Variants in MAB21L3 observed in about 807,000 individuals in gnomAD.
MAB21L3 encodes protein mab-21-like 3.
In MAB21L3, 36 loss-of-function variants were observed where a neutral mutation model predicts 37.7. The observed-to-expected ratio is 0.96, with a 90% CI of 0.73 to 1.26. The LOEUF (loss-of-function observed/expected upper bound fraction) is 1.26. Ranked by LOEUF, MAB21L3 falls within the 50% of genes most tolerant of loss-of-function variation. The pLI is 0.00. For synonymous variants in MAB21L3, 186 were observed against 176.8 expected (o/e 1.05, Z -0.41); for missense variants, 430 against 447.3 (o/e 0.96, Z 0.35).
At position 116,112,513 on chromosome 1, in the gene MAB21L3, C is replaced by G; in HGVS notation, c.-103C>G. On this transcript the variant is annotated 5_prime_UTR_variant, in exon 3 of 8. Transcript: ENST00000369500. ...TCCAGAAAAACTTAGTACCCAGAGACTCACATTACTGGGAGTGCTATCTAC... is the reference window on the plus strand; with the variant it reads ...TCCAGAAAAACTTAGTACCCAGAGAGTCACATTACTGGGAGTGCTATCTAC... 1 of 1,023,536 alleles carries G rather than the reference C, an allele frequency of 9.8e-7. No homozygotes were observed. The highest frequency in any genetic ancestry group is 1.4e-5 in the South Asian group (1 of 70,150). The allele number at this position is 1,023,536 out of a possible 1,614,324, so 63.4% of individuals were successfully genotyped here. A position where few individuals can be genotyped will look rare whatever the true frequency, so the allele number is the denominator to read the frequency against.
At chr1:116,132,695 G>A (rs1660102370) in intron 7 of MAB21L3, among the ~76,000 whole-genome samples, 1 of 152,164 alleles carries the variant, frequency 6.6e-6, no homozygotes, top group South Asian at 2.1e-4. Flanking sequence ...AAGCAGTTGA[G>A]GAAGAGGGTA....
chr1:116,120,855 T>A, intron 3 of MAB21L3, 77 bp from the exon 4 acceptor site: 1 of 1,560,616 alleles, frequency 6.4e-7, no homozygotes, highest in South Asian at 1.2e-5. Context: ...TGTACCCTTG[T>A]CTCCTCACTC....
chr1:116,135,193 G>GT lies in MAB21L3; in HGVS notation c.*1834dup, dbSNP rs1660176450. ...AAAAAATTAATAGATCCAGGAGCTG[G>GT]TTTTTTGAAAGGATCAACAAAATTG... is the stretch of plus-strand genomic sequence containing the variant. On this transcript the variant is annotated 3_prime_UTR_variant, in exon 8 of 8. Coordinates refer to ENST00000369500, the MANE Select transcript of MAB21L3 (RefSeq NM_152367.3). 6.6e-6 allele frequency: 1 copy of GT among 151,582 alleles called. No homozygotes were observed. The highest frequency in any genetic ancestry group is 2.4e-5 in the African/African-American group (1 of 41,106). 9.4% of individuals were successfully genotyped at this position (151,582 alleles called of 1,614,324 possible).
chr1:116,114,176 A>G (rs920871946), intron 3 of MAB21L3, among the ~76,000 whole-genome samples: 3 of 152,104 alleles, frequency 2.0e-5, no homozygotes, highest in South Asian at 2.1e-4. Context: ...ACACTTTTCT[A>G]TTATCATCTT....
At chr1:116,130,679 G>T (rs1660045525) in intron 7 of MAB21L3, among the ~76,000 whole-genome samples, 1 of 152,130 alleles carries the variant, frequency 6.6e-6, no homozygotes, top group African/African-American at 2.4e-5. Flanking sequence ...CTCTTACAAG[G>T]CCCTCACCTT....
At chr1:116,129,948 A>G (rs1484480164) in intron 7 of MAB21L3, among the ~76,000 whole-genome samples, 2 of 152,128 alleles carry the variant, frequency 1.3e-5, no homozygotes, top group Non-Finnish European at 2.9e-5. Context: ...CTTCCCTAAA[A>G]ACACGCAGGC....
At chr1:116,126,188 G>T (rs55862947) in intron 5 of MAB21L3, among the ~76,000 whole-genome samples, 9,816 of 152,136 alleles carry the variant, frequency 0.065, 921 homozygotes, top group African/African-American at 0.21. Context: ...TTCAAGAATT[G>T]GGATGAGCAA....
chr1:116,132,898 A>T (rs1446681013), intron 7 of MAB21L3, among the ~76,000 whole-genome samples: 1 of 152,110 alleles, frequency 6.6e-6, no homozygotes, highest in Non-Finnish European at 1.5e-5. Flanking sequence ...GGATTAGTGA[A>T]CATTGGAAAT....
At chr1:116,127,302 C>T (rs558225207) in intron 5 of MAB21L3, among the ~76,000 whole-genome samples, 164 bp from the exon 6 acceptor site, 6 of 152,286 alleles carry the variant, frequency 3.9e-5, no homozygotes, top group South Asian at 4.1e-4. Flanking sequence ...AAAACCTTGA[C>T]GTGCTACAGG....
intron 7 of MAB21L3, among the ~76,000 whole-genome samples, chr1:116,131,137 C>T (rs543366573): frequency 5.9e-5 from 9 of 152,280 alleles, no homozygotes; most frequent in Admixed American, 5.2e-4. Flanking sequence ...ATTCACTGCT[C>T]TCATAAAGTT....
chr1:116,117,224 G>A (rs1231761422), intron 3 of MAB21L3, among the ~76,000 whole-genome samples: 3 of 140,086 alleles, frequency 2.1e-5, no homozygotes, highest in Non-Finnish European at 4.5e-5. Context: ...TAACATTCAA[G>A]TTCTATGGAA....
chr1:116,121,804 C>T (rs1483410317), intron 4 of MAB21L3, among the ~76,000 whole-genome samples: 2 of 152,170 alleles, frequency 1.3e-5, no homozygotes, highest in African/African-American at 2.4e-5. Flanking sequence ...CACAGAGAAA[C>T]GACCTTACTT....
chr1:116,137,867 G>T lies in MAB21L3; in HGVS notation c.*4502G>T, dbSNP rs537599304. ...AAATCATCATTCTCAGTAAACTATC[G>T]CAAGAACAAAAAACCAAACACTGCA... On this transcript the variant is annotated 3_prime_UTR_variant, in exon 8 of 8. Transcript: ENST00000369500. 2.0e-5 allele frequency among the ~76,000 whole-genome samples: 3 copies of T among 149,628 alleles called. No homozygotes were observed. Among genetic ancestry groups the T allele is most frequent in the Non-Finnish European group, 4.4e-5 (3 of 67,664 alleles).
chr1:116,113,357 A>G (rs932252686), intron 3 of MAB21L3, among the ~76,000 whole-genome samples: 14 of 152,224 alleles, frequency 9.2e-5, no homozygotes, highest in African/African-American at 2.9e-4. Context: ...AGTAAAATGT[A>G]TTTCTTAGGC....
At chr1:116,115,668 G>A (rs948839235) in intron 3 of MAB21L3, among the ~76,000 whole-genome samples, 18 of 152,294 alleles carry the variant, frequency 1.2e-4, no homozygotes, top group Admixed American at 3.3e-4. Context: ...GCAAGGAAGC[G>A]TATCGGAATG....
At chr1:116,117,617 G>A (rs1004436214) in intron 3 of MAB21L3, among the ~76,000 whole-genome samples, 3 of 152,104 alleles carry the variant, frequency 2.0e-5, no homozygotes, top group Non-Finnish European at 4.4e-5. Flanking sequence ...ATATCCCACA[G>A]CCTCAGGGAC....
intron 3 of MAB21L3, among the ~76,000 whole-genome samples, chr1:116,113,906 G>C (rs1166489291): frequency 6.6e-6 from 1 of 152,108 alleles, no homozygotes; most frequent in African/African-American, 2.4e-5. Context: ...TCTCTCACGT[G>C]TGTCCCCTAC....
intron 7 of MAB21L3, 113 bp from the exon 8 acceptor site, chr1:116,133,019 C>A: frequency 1.2e-6 from 1 of 866,730 alleles, no homozygotes; most frequent in Non-Finnish European, 1.9e-6. Context: ...TCCAGTCTGC[C>A]CAGGCAACTC....
Position 116,122,001 on chromosome 1 carries a change from C to T in MAB21L3, c.189+929C>T, listed in dbSNP as rs555380304. Among the ~76,000 whole-genome samples, 11 of 152,322 alleles carry T rather than the reference C, an allele frequency of 7.2e-5. No homozygotes were observed. In the East Asian group the frequency reaches 1.9e-3, roughly 27 times the overall value. On this transcript the variant is annotated intron_variant, in intron 4 of 7. Transcript: ENST00000369500. Reference sequence around the variant, plus strand: ...GGCCCATTTCTCACAACAGACTGCACATCCCTCGATTGTAAGGACCAAGTT... The same window carrying T: ...GGCCCATTTCTCACAACAGACTGCATATCCCTCGATTGTAAGGACCAAGTT...
Sources: allele counts gnomAD v4.1 joint callset (sites outside exome capture counted in the v4.1 genomes callset), GRCh38; gene constraint gnomAD v4.1.1; transcripts MANE v1.5; gene names NCBI Gene and HGNC (gene_info 2026-07-23, HGNC 2026-07-21).